The following KANK1 variants were observed in gnomAD, a reference collection of about 807,000 sequenced individuals.
KANK1 encodes KN motif and ankyrin repeat domain-containing protein 1.
Under a neutral mutation model 106.2 loss-of-function variants are expected in KANK1, and 109 were observed. That is an observed-to-expected ratio of 1.03 (90% CI 0.88 to 1.20). The LOEUF is 1.20. KANK1 is among the 50% of genes most tolerant of loss of function. The pLI is 0.00. For synonymous variants in KANK1, 873 were observed against 652.2 expected, an observed-to-expected ratio of 1.34 and a Z score of -5.16; for missense variants, 2,399 against 1,710.7, an observed-to-expected ratio of 1.40 and a Z score of -7.10.
chr9:734,956 C>A, intron 7 of KANK1, 121 bp downstream of exon 7: 1 of 706,436 alleles, frequency 1.4e-6, no homozygotes, highest in East Asian at 2.7e-5. Context: ...GAACTGTTTC[C>A]AGCATGAGTG....
In KANK1 at chr9:712,950, C is replaced by T. The variant is rs1300536627; in HGVS notation, c.2184C>T (p.Asn728=). ...AVGEGRVKDI[N]SSTKTRSIGV... Reference sequence around the variant, plus strand: ...GAGAAGGCCGTGTCAAGGACATCAACTCCTCCACCAAGACGCGGTCCATTG... The same window carrying T: ...GAGAAGGCCGTGTCAAGGACATCAATTCCTCCACCAAGACGCGGTCCATTG... The change falls in exon 3 of 12, where the codon AAC becomes AAT. Residue 728 remains asparagine, a synonymous_variant. Coordinates refer to ENST00000382297, the MANE Select transcript of KANK1 (RefSeq NM_015158.5). 6.2e-7 allele frequency: 1 copy of T among 1,614,230 alleles called. No homozygotes were observed.
At chr9:659,312 A>G (rs1275876264) in intron 1 of KANK1, among the ~76,000 whole-genome samples, 2 of 152,154 alleles carry the variant, frequency 1.3e-5, no homozygotes, top group Non-Finnish European at 2.9e-5. Flanking sequence ...CAGTTAACCC[A>G]TCTTTGAAGA....
chr9:626,768 C>T (rs144286447), intron 1 of KANK1, among the ~76,000 whole-genome samples: 1 of 152,348 alleles, frequency 6.6e-6, no homozygotes, highest in East Asian at 1.9e-4. Context: ...CTCACATCCA[C>T]CCTCGGTCTC....
intron 1 of KANK1, among the ~76,000 whole-genome samples, chr9:574,899 T>C (rs1216252961): frequency 6.6e-6 from 1 of 151,238 alleles, no homozygotes; most frequent in Non-Finnish European, 1.5e-5. Flanking sequence ...TTTTTTTAAG[T>C]GTATATATTT....
intron 1 of KANK1, among the ~76,000 whole-genome samples, chr9:575,664 C>G (rs963998859): frequency 4.6e-5 from 7 of 151,960 alleles, no homozygotes; most frequent in African/African-American, 1.5e-4. Context: ...GAGCAAGACC[C>G]TGTCTCAAAA....
At chr9:476,217 A>G (rs1461525175) in intron 3 of KANK1, among the ~76,000 whole-genome samples, 1 of 151,930 alleles carries the variant, frequency 6.6e-6, no homozygotes, top group Non-Finnish European at 1.5e-5. Flanking sequence ...TTAGCCAAAC[A>G]TGAACAAGAT....
intron 3 of KANK1, among the ~76,000 whole-genome samples, chr9:486,639 A>C (rs1177844537): frequency 6.6e-6 from 1 of 152,186 alleles, no homozygotes; most frequent in Non-Finnish European, 1.5e-5. Context: ...GCCTTTTATA[A>C]ATAAAAATTA....
In KANK1 at chr9:731,244, C is replaced by T; in HGVS notation, c.2983C>T (p.Gln995Ter). ...TTCAAATGGCGCAAAAAAGAATCTT[C>T]AGTTTGTTGGCATTAATGGAGGGTA... ...KDSNGAKKNL[Q>*]FVGINGGYET... The change falls in exon 5 of 12, where the codon CAG becomes TAG. Residue 995 changes from glutamine (Q) to a stop codon, truncating the protein, a stop_gained. Transcript: ENST00000382297. LOFTEE classifies it high-confidence loss of function. 4 of 1,605,670 alleles carry T rather than the reference C, an allele frequency of 2.5e-6. No individual in the cohort carries two copies. Among genetic ancestry groups the T allele is most frequent in the Non-Finnish European group, 3.4e-6 (4 of 1,172,694 alleles).
chr9:607,554 C>T (rs1422557547), intron 1 of KANK1, among the ~76,000 whole-genome samples: 1 of 151,182 alleles, frequency 6.6e-6, no homozygotes, highest in Non-Finnish European at 1.5e-5. Context: ...AGTACCTCTC[C>T]TGTGGGCTTG....
chr9:690,239 G>A (rs1462444853), intron 2 of KANK1, among the ~76,000 whole-genome samples: 1 of 150,580 alleles, frequency 6.6e-6, no homozygotes, highest in Non-Finnish European at 1.5e-5. Flanking sequence ...CCGGGAGGCA[G>A]AGGTTGCAGT....
At chr9:699,314 C>A (rs1822084458) in intron 2 of KANK1, among the ~76,000 whole-genome samples, 1 of 152,178 alleles carries the variant, frequency 6.6e-6, no homozygotes, top group African/African-American at 2.4e-5. Flanking sequence ...TTGCTTAGCA[C>A]CTAGCCGTGT....
chr9:666,395 T>G (rs1298349006), intron 1 of KANK1, among the ~76,000 whole-genome samples: 1 of 152,194 alleles, frequency 6.6e-6, no homozygotes, highest in Non-Finnish European at 1.5e-5. Context: ...TCGTTTACAT[T>G]CAAAGCGAAT....
intron 3 of KANK1, among the ~76,000 whole-genome samples, chr9:722,460 G>A (rs896121221): frequency 1.3e-5 from 2 of 152,056 alleles, no homozygotes; most frequent in African/African-American, 4.8e-5. Context: ...GGGTTGAAAC[G>A]ACTGAATTTT....
chr9:598,867 G>A (rs1293897006), intron 1 of KANK1, among the ~76,000 whole-genome samples: 1 of 149,828 alleles, frequency 6.7e-6, no homozygotes, highest in African/African-American at 2.5e-5. Flanking sequence ...CCTGACCTCA[G>A]GTGATCCGCC....
At chr9:649,501 C>T (rs1038651100) in intron 1 of KANK1, among the ~76,000 whole-genome samples, 1 of 152,126 alleles carries the variant, frequency 6.6e-6, no homozygotes, top group Non-Finnish European at 1.5e-5. Flanking sequence ...GGATTTGGTC[C>T]AGTAATATCT....
At chr9:719,297 T>G (rs763468575) in intron 3 of KANK1, among the ~76,000 whole-genome samples, 3 of 152,188 alleles carry the variant, frequency 2.0e-5, no homozygotes, top group African/African-American at 4.8e-5. Context: ...ACAAACATTA[T>G]TTCAGATCCC....
intron 1 of KANK1, among the ~76,000 whole-genome samples, chr9:511,915 GGGCTGGGCT>G (rs1274744715): frequency 1.3e-5 from 2 of 152,112 alleles, no homozygotes; most frequent in Non-Finnish European, 2.9e-5. Flanking sequence ...GATTCAGGCA[GGGCTGGGCT>G]GGGTGATTCT....
At chr9:633,961 G>T (rs1350014758) in intron 1 of KANK1, among the ~76,000 whole-genome samples, 2 of 152,176 alleles carry the variant, frequency 1.3e-5, no homozygotes, top group Non-Finnish European at 2.9e-5. Flanking sequence ...ATAAATAGAT[G>T]CAAGTCAAAA....
upstream of KANK1, among the ~76,000 whole-genome samples, chr9:503,006 T>A (rs1311453681): frequency 3.0e-5 from 3 of 101,074 alleles, no homozygotes; most frequent in East Asian, 6.0e-4. Flanking sequence ...AGCTGATTTT[T>A]TTTTTTTTTT....
Sources: gnomAD v4.1 joint callset for allele counts (sites outside exome capture counted in the v4.1 genomes callset) on GRCh38, gnomAD v4.1.1 for gene constraint, MANE v1.5 for transcripts, NCBI Gene and HGNC (gene_info 2026-07-23, HGNC 2026-07-21) for gene names.